Variants in DIP2B observed in about 807,000 individuals in gnomAD.
DIP2B encodes disco-interacting protein 2 homolog B.
A neutral mutation model predicts 198.0 loss-of-function variants in DIP2B; 76 were observed. That is an observed-to-expected ratio of 0.38 (90% CI 0.32 to 0.46). The LOEUF (loss-of-function observed/expected upper bound fraction) is 0.46, where lower values mean the gene tolerates loss of function less well. Ranked by LOEUF, DIP2B falls within the 20% of genes least tolerant of loss-of-function variation. The probability of loss-of-function intolerance (pLI) is 0.99; values close to 1 mark genes in which losing one functional copy is unlikely to be tolerated. For missense variants in DIP2B, 1,559 were observed against 1,978.4 expected (o/e 0.79, Z 4.02); for synonymous variants, 701 against 739.1 (o/e 0.95, Z 0.84).
chr12:50,672,096 A>G (rs1246372298), intron 5 of DIP2B, among the ~76,000 whole-genome samples: 1 of 152,140 alleles, frequency 6.6e-6, no homozygotes, highest in Non-Finnish European at 1.5e-5. Flanking sequence ...TGTTAACATT[A>G]TGTGTCTGTG....
intron 1 of DIP2B, among the ~76,000 whole-genome samples, chr12:50,623,437 ACTCTCTCTCTCTCT>A (rs142536204): frequency 1.8e-5 from 1 of 57,112 alleles, no homozygotes; most frequent in African/African-American, 7.4e-5. Flanking sequence ...ACACACACAC[ACTCTCTCTCTCTCT>A]CTCTCTCTCT....
intron 1 of DIP2B, among the ~76,000 whole-genome samples, chr12:50,533,234 T>C (rs889786998): frequency 5.9e-5 from 9 of 152,240 alleles, no homozygotes; most frequent in African/African-American, 2.2e-4. Context: ...TTCAGTCTCA[T>C]CAAATTCAAG....
chr12:50,512,923 C>T (rs1456384924), intron 1 of DIP2B, among the ~76,000 whole-genome samples: 1 of 152,178 alleles, frequency 6.6e-6, no homozygotes, highest in Non-Finnish European at 1.5e-5. Flanking sequence ...AGGAGAATTG[C>T]TTGAACCCGG....
chr12:50,626,156 C>A (rs1045595403), intron 2 of DIP2B, 109 bp downstream of exon 2: 2 of 1,114,614 alleles, frequency 1.8e-6, no homozygotes, highest in Non-Finnish European at 2.6e-6. Flanking sequence ...CCCTTCCTCA[C>A]CAGGGGAGAG....
At chr12:50,567,094 T>C (rs1399170421) in intron 1 of DIP2B, among the ~76,000 whole-genome samples, 1 of 152,214 alleles carries the variant, frequency 6.6e-6, no homozygotes, top group Non-Finnish European at 1.5e-5. Context: ...TGTATTGTGA[T>C]CTTTTTATTT....
chr12:50,607,647 A>G (rs1958995225), intron 1 of DIP2B, among the ~76,000 whole-genome samples: 2 of 152,200 alleles, frequency 1.3e-5, no homozygotes. Context: ...GAAGTGTAAT[A>G]GAATATAATC....
chr12:50,675,528 G>T lies in DIP2B; in HGVS notation c.916+80G>T, dbSNP rs541397557. ...GTTACTATGTGTTAGGTACTGTAGGGTTAAAGAATGAACAAGACACAGTTC... is the reference window on the plus strand; with the variant it reads ...GTTACTATGTGTTAGGTACTGTAGGTTTAAAGAATGAACAAGACACAGTTC... On this transcript the variant is annotated intron_variant, in intron 7 of 37. Transcript: ENST00000301180. 9.0e-6 allele frequency: 12 copies of T among 1,337,270 alleles called. No individual in the cohort carries two copies. The African/African-American group carries it at 1.5e-4, about 16-fold the overall frequency. 82.8% of individuals were successfully genotyped at this position (1,337,270 alleles called of 1,614,324 possible). A position where few individuals can be genotyped will look rare whatever the true frequency, so the allele number is the denominator to read the frequency against.
At chr12:50,590,807 T>G (rs530642263) in intron 1 of DIP2B, among the ~76,000 whole-genome samples, 1 of 152,162 alleles carries the variant, frequency 6.6e-6, no homozygotes, top group Non-Finnish European at 1.5e-5. Context: ...TTTGATGTTA[T>G]GAAATTTTAG....
At chr12:50,588,779 TG>T (rs1354696825) in intron 1 of DIP2B, among the ~76,000 whole-genome samples, 3 of 152,084 alleles carry the variant, frequency 2.0e-5, no homozygotes, top group South Asian at 2.1e-4. Context: ...AGGATAGAGG[TG>T]GGGTTTGATG....
intron 23 of DIP2B, among the ~76,000 whole-genome samples, chr12:50,715,747 T>C (rs886356763): frequency 7.2e-5 from 11 of 152,214 alleles, no homozygotes; most frequent in Non-Finnish European, 1.2e-4. Flanking sequence ...ATTGCACATA[T>C]TACTTCCTCT....
Position 50,735,090 on chromosome 12 carries a change from G to A in DIP2B, c.4061G>A (p.Arg1354His), listed in dbSNP as rs779066624. The A allele has an allele frequency of 5.6e-6, 9 of 1,614,014 alleles. No homozygotes were observed. The highest frequency in any genetic ancestry group is 5.3e-5 in the African/African-American group (4 of 74,912). Reference sequence around the variant, plus strand: ...TTCTGCAGGGTTCGTCTCGTGGAACGTGGCGCCCCTCAGAGTTTGCTTCTC... The same window carrying A: ...TTCTGCAGGGTTCGTCTCGTGGAACATGGCGCCCCTCAGAGTTTGCTTCTC... ...LRHDRVRLVE[R>H]GAPQSLLLSE... The change falls in exon 34 of 38, where the codon CGT becomes CAT. Residue 1354 changes from arginine (R) to histidine (H), a missense_variant. By Grantham distance (29) the Arg-to-His change is conservative (BLOSUM62 0). Coordinates refer to ENST00000301180, the MANE Select transcript of DIP2B (RefSeq NM_173602.3).
Position 50,745,974 on chromosome 12 carries a change from A to C in DIP2B, c.*1135A>C, listed in dbSNP as rs1592152715. 6.6e-6 allele frequency: 1 copy of C among 152,374 alleles called. No homozygotes were observed. Among genetic ancestry groups the C allele is most frequent in the East Asian group, 1.9e-4 (1 of 5,188 alleles). The allele number at this position is 152,374 out of a possible 1,614,324, so 9.4% of individuals were successfully genotyped here. On this transcript the variant is annotated 3_prime_UTR_variant, in exon 38 of 38. Transcript: ENST00000301180. ...AACAAGAATGATAGGCCAGGAAGGC[A>C]GTGGGGATCCACCATCACATGGAAC...
intron 3 of DIP2B, among the ~76,000 whole-genome samples, chr12:50,650,540 A>G (rs145681565): frequency 6.6e-6 from 1 of 152,302 alleles, no homozygotes; most frequent in East Asian, 1.9e-4. Context: ...AGTACTTCAT[A>G]TAACTGGAAT....
At chr12:50,537,114 ATTTTTTTTTTTTTT>A (rs34202995) in intron 1 of DIP2B, among the ~76,000 whole-genome samples, 1 of 32,226 alleles carries the variant, frequency 3.1e-5, no homozygotes, top group Non-Finnish European at 4.8e-5. Flanking sequence ...TTATTCTCTA[ATTTTTTTTTTTTTT>A]TTTTTTTTTT....
rs11327858 is a variant in DIP2B at position 50,630,663 on chromosome 12, CTTTTTTTTTTTTTT to C, written c.172+4628_172+4641del. On this transcript the variant is annotated intron_variant, in intron 2 of 37. Coordinates refer to ENST00000301180, the MANE Select transcript of DIP2B (RefSeq NM_173602.3). ...TTGATCACCACGAATTCTTTCTTTT[CTTTTTTTTTTTTTT>C]TTTTTTTTTTTGAGACAGAGTTTCA... Among the ~76,000 whole-genome samples, 385 of 74,618 alleles carry C rather than the reference CTTTTTTTTTTTTTT, an allele frequency of 5.2e-3. 2 individuals are homozygous for C. The highest frequency in any genetic ancestry group is 0.018 in the African/African-American group (369 of 20,246). 49.0% of individuals were successfully genotyped at this position (74,618 alleles called of 152,430 possible).
intron 3 of DIP2B, among the ~76,000 whole-genome samples, chr12:50,658,804 G>A (rs1938596085): frequency 6.6e-6 from 1 of 152,112 alleles, no homozygotes; most frequent in Admixed American, 6.6e-5. Context: ...AGAAACAGAA[G>A]CTGGCCGGGC....
intron 1 of DIP2B, among the ~76,000 whole-genome samples, chr12:50,619,192 A>G (rs1361889193): frequency 6.6e-6 from 1 of 152,182 alleles, no homozygotes; most frequent in Admixed American, 6.5e-5. Context: ...AGAAAAAGTT[A>G]TACATATGAC....
chr12:50,706,904 C>T (rs888543969), intron 21 of DIP2B, among the ~76,000 whole-genome samples: 1 of 151,832 alleles, frequency 6.6e-6, no homozygotes, highest in Non-Finnish European at 1.5e-5. Context: ...GCAACTATAT[C>T]CTTTACTTCA....
intron 2 of DIP2B, among the ~76,000 whole-genome samples, chr12:50,630,126 T>C (rs1046730185): frequency 6.6e-6 from 1 of 151,856 alleles, no homozygotes; most frequent in African/African-American, 2.4e-5. Flanking sequence ...ATTTTTGTAT[T>C]TTTAGTAGAG....
Sources: allele counts gnomAD v4.1 joint callset (sites outside exome capture counted in the v4.1 genomes callset), GRCh38; gene constraint gnomAD v4.1.1; transcripts MANE v1.5; gene names NCBI Gene and HGNC (gene_info 2026-07-23, HGNC 2026-07-21).